ABCA13: variants seen among roughly 807,000 people sequenced by gnomAD.
ABCA13 encodes the protein ATP-binding cassette sub-family A member 13.
In ABCA13, 476 loss-of-function variants were observed where a neutral mutation model predicts 478.7. The observed-to-expected ratio is 0.99, with a 90% CI of 0.92 to 1.07. The LOEUF is 1.07. Among genes scored for constraint, ABCA13 ranks in the 50% least tolerant of loss-of-function variants. The probability of loss-of-function intolerance (pLI) is 0.00; values close to 1 mark genes in which losing one functional copy is unlikely to be tolerated. For missense variants in ABCA13, 6,060 were observed against 5,910.6 expected (o/e 1.03, Z -0.83); for synonymous variants, 2,252 against 2,158.9 (o/e 1.04, Z -1.20).
In ABCA13 at chr7:48,298,261, T is replaced by A. The variant is rs1049944979; in HGVS notation, c.9200-105T>A. The A allele has an allele frequency of 2.8e-5, 29 of 1,048,828 alleles. No individual in the cohort carries two copies. In the African/African-American group the frequency reaches 4.2e-4, roughly 15 times the overall value. The allele number at this position is 1,048,828 out of a possible 1,614,324, so 65.0% of individuals were successfully genotyped here. A position where few individuals can be genotyped will look rare whatever the true frequency, so the allele number is the denominator to read the frequency against. ...TTAGTGATTTATGGGTTGAATGGTGTGAAAGAAACTATCCTAGCCAGGTTG... is the reference window on the plus strand; with the variant it reads ...TTAGTGATTTATGGGTTGAATGGTGAGAAAGAAACTATCCTAGCCAGGTTG... On this transcript the variant is annotated intron_variant, in intron 22 of 61. Coordinates refer to ENST00000435803, the MANE Select transcript of ABCA13 (RefSeq NM_152701.5).
At chr7:48,210,429 G>C in intron 3 of ABCA13, among the ~76,000 whole-genome samples, 1 of 152,068 alleles carries the variant, frequency 6.6e-6, no homozygotes. Flanking sequence ...TTGTTTATTT[G>C]AAGTTTTTTT....
intron 53 of ABCA13, among the ~76,000 whole-genome samples, chr7:48,523,813 C>T (rs571189462): frequency 1.1e-4 from 16 of 152,102 alleles, no homozygotes; most frequent in South Asian, 4.2e-4. Context: ...TCCTTTTATG[C>T]GATTCAACAT....
intron 42 of ABCA13, among the ~76,000 whole-genome samples, chr7:48,432,211 A>G (rs1046420101): frequency 3.9e-5 from 6 of 152,168 alleles, no homozygotes; most frequent in Non-Finnish European, 7.4e-5. Flanking sequence ...GCCAACAGGT[A>G]TATGAAAAAA....
rs145877442 is a variant in ABCA13, at chr7:48,279,521, A to G, written c.8327A>G (p.Glu2776Gly). Residue 2776 changes from glutamate (E) to glycine (G), a missense_variant, in exon 18 of 62, where the codon GAA becomes GGA. Transcript: ENST00000435803. ...CCAAATAACCTTTTGAAAACCATAG[A>G]AACAGTTTTAGAGGCCTCCAGTGGA... ...QHPNNLLKTI[E>G]TVLEASSGIK... 79 of 1,613,476 alleles carry G rather than the reference A, an allele frequency of 4.9e-5. No individual in the cohort carries two copies. The highest frequency in any genetic ancestry group is 1.0e-4 in the Admixed American group (6 of 59,978).
At chr7:48,589,999 CAGCCCT>C (rs1458781838) in intron 57 of ABCA13, among the ~76,000 whole-genome samples, 2 of 152,166 alleles carry the variant, frequency 1.3e-5, no homozygotes, top group Non-Finnish European at 2.9e-5. Flanking sequence ...CAAACTATAG[CAGCCCT>C]ATATCCTGTA....
intron 48 of ABCA13, among the ~76,000 whole-genome samples, chr7:48,496,830 C>A (rs1316471254): frequency 6.6e-6 from 1 of 152,116 alleles, no homozygotes; most frequent in Non-Finnish European, 1.5e-5. Flanking sequence ...TCTTCCTTCT[C>A]TCTTTGTGAC....
chr7:48,387,463 C>A (rs990289157), intron 35 of ABCA13, among the ~76,000 whole-genome samples: 2 of 152,030 alleles, frequency 1.3e-5, no homozygotes, highest in South Asian at 4.2e-4. Flanking sequence ...CAAAGATAGG[C>A]AAAAGAAGAA....
At chr7:48,631,275 AT>A (rs1355519206) in intron 59 of ABCA13, among the ~76,000 whole-genome samples, 14 of 151,872 alleles carry the variant, frequency 9.2e-5, no homozygotes, top group African/African-American at 7.2e-5. Context: ...TTCTTCTATG[AT>A]TTTTTTAGTT....
intron 15 of ABCA13, among the ~76,000 whole-genome samples, chr7:48,263,505 TTTTACCCTTGGTAAAATAAAAA>T (rs1481021552): frequency 6.6e-6 from 1 of 151,864 alleles, no homozygotes; most frequent in Non-Finnish European, 1.5e-5. Flanking sequence ...TCTTAATTAC[TTTTACCCTTGGTAAAATAAAAA>T]TTTACATAGT....
intron 14 of ABCA13, 131 bp from the exon 15 acceptor site, chr7:48,249,081 G>T (rs1266775106): frequency 1.5e-5 from 11 of 731,278 alleles, no homozygotes; most frequent in South Asian, 2.6e-5. Context: ...CTATTTGAAA[G>T]ATTCTATTTC....
rs1797999672 is a variant in ABCA13, at chr7:48,288,018, G to C, written c.8895G>C (p.Gly2965=). The change falls in exon 20 of 62, where the codon GGG becomes GGC. Residue 2965 remains glycine, a synonymous_variant. Transcript: ENST00000435803. ...CTACTCTGAGTTGCAAGCAAAATGGGATAAGGCATCTCATTTTATCTGCTA... is the reference window on the plus strand; with the variant it reads ...CTACTCTGAGTTGCAAGCAAAATGGCATAAGGCATCTCATTTTATCTGCTA... ...LCATLSCKQN[G]IRHLILSAIQ... is the part of the protein sequence containing the mutation. The C allele has an allele frequency of 6.2e-7, 1 of 1,613,856 alleles. No individual in the cohort carries two copies. Among genetic ancestry groups the C allele is most frequent in the African/African-American group, 1.3e-5 (1 of 74,902 alleles).
At chr7:48,559,394 A>G (rs1786210133) in intron 55 of ABCA13, among the ~76,000 whole-genome samples, 1 of 152,212 alleles carries the variant, frequency 6.6e-6, no homozygotes, top group African/African-American at 2.4e-5. Context: ...AAATGCTGCC[A>G]GGCCTGTGAC....
intron 55 of ABCA13, among the ~76,000 whole-genome samples, chr7:48,543,650 A>G (rs1784554026): frequency 6.6e-6 from 1 of 151,818 alleles, no homozygotes; most frequent in South Asian, 2.1e-4. Flanking sequence ...AAAAAAATAA[A>G]AAATAGGCAT....
In ABCA13 at chr7:48,273,068, T is replaced by C; in HGVS notation, c.3402T>C (p.Asn1134=). 1 of 1,613,684 alleles carries C rather than the reference T, an allele frequency of 6.2e-7. No homozygotes were observed. Residue 1134 remains asparagine (N), a synonymous_variant, in exon 17 of 62, where the codon AAT becomes AAC. Coordinates refer to ENST00000435803, the MANE Select transcript of ABCA13 (RefSeq NM_152701.5). The part of the protein sequence containing the change: ...LAQIFSNLSA[N]VSVFNKFMSI... ...AAATTTTTTCAAACCTCTCAGCAAA[T>C]GTCAGTGTGTTCAACAAGTTTATGT... is the stretch of plus-strand genomic sequence containing the variant.
intron 57 of ABCA13, among the ~76,000 whole-genome samples, chr7:48,590,621 T>A (rs2131413314): frequency 6.6e-6 from 1 of 152,294 alleles, no homozygotes; most frequent in African/African-American, 2.4e-5. Flanking sequence ...AAGGGTTCAC[T>A]TTTCTCCGAA....
chr7:48,500,611 A>G (rs549091576), intron 48 of ABCA13, among the ~76,000 whole-genome samples: 10 of 152,176 alleles, frequency 6.6e-5, no homozygotes, highest in Non-Finnish European at 1.3e-4. Context: ...AAAAACATCT[A>G]ATGTAGTGAT....
At chr7:48,635,849 T>G in intron 59 of ABCA13, among the ~76,000 whole-genome samples, 1 of 152,370 alleles carries the variant, frequency 6.6e-6, no homozygotes, top group Non-Finnish European at 1.5e-5. Flanking sequence ...TGAATAACTA[T>G]ATTTTTTATC....
At chr7:48,367,044 T>TAGAGCTCAGAGAGTATGTGGTGAGAAGA (rs1811786658) in intron 31 of ABCA13, among the ~76,000 whole-genome samples, 1 of 152,114 alleles carries the variant, frequency 6.6e-6, no homozygotes, top group Non-Finnish European at 1.5e-5. Context: ...TATGTGGATT[T>TAGAGCTCAGAGAGTATGTGGTGAGAAGA]AGAGCTCAGA....
At chr7:48,426,288 T>C (rs75619037) in intron 41 of ABCA13, among the ~76,000 whole-genome samples, 2,739 of 152,296 alleles carry the variant, frequency 0.018, 92 homozygotes, top group African/African-American at 0.062. Context: ...CAGATTTTGC[T>C]CAGTAGGATT....
Sources: gnomAD v4.1 joint callset for allele counts (sites outside exome capture counted in the v4.1 genomes callset) on GRCh38, gnomAD v4.1.1 for gene constraint, MANE v1.5 for transcripts, NCBI Gene and HGNC (gene_info 2026-07-23, HGNC 2026-07-21) for gene names.